SLC24A2: variants seen among roughly 807,000 people sequenced by gnomAD.
The protein encoded by SLC24A2 is sodium/potassium/calcium exchanger 2.
Under a neutral mutation model 62.0 loss-of-function variants are expected in SLC24A2, and 36 were observed. The ratio of observed to expected loss-of-function variants is 0.58; its 90% CI spans 0.44 to 0.77. SLC24A2 has a LOEUF of 0.77. SLC24A2 is among the 30% of genes least tolerant of loss of function. The pLI is 0.00. For missense variants in SLC24A2, 846 were observed against 817.9 expected (o/e 1.03, Z -0.42); for synonymous variants, 358 against 294.0 (o/e 1.22, Z -2.23).
At chr9:19,561,332 G>A in intron 7 of SLC24A2, among the ~76,000 whole-genome samples, 1 of 151,926 alleles carries the variant, frequency 6.6e-6, no homozygotes, top group Admixed American at 6.6e-5. Context: ...AAAGAGGTAA[G>A]TTTACGTGTT....
At chr9:19,727,828 T>A (rs1444363406) in intron 2 of SLC24A2, among the ~76,000 whole-genome samples, 1 of 152,220 alleles carries the variant, frequency 6.6e-6, no homozygotes, top group Non-Finnish European at 1.5e-5. Flanking sequence ...CATGGTTATT[T>A]ACTTTTGAAA....
At chr9:19,901,131 G>A in the SLC24A2 span, among the ~76,000 whole-genome samples, 3 of 152,188 alleles carry the variant, frequency 2.0e-5, no homozygotes, top group Non-Finnish European at 4.4e-5. Flanking sequence ...TCATGTGCCA[G>A]ATGTGAACTG....
At chr9:19,678,947 C>T (rs183985078) in intron 2 of SLC24A2, among the ~76,000 whole-genome samples, 8 of 152,314 alleles carry the variant, frequency 5.3e-5, no homozygotes, top group Admixed American at 2.6e-4. Context: ...TCACAAAAGA[C>T]ACGCAAGTGA....
At chr9:19,613,918 T>C (rs1267432601) in intron 4 of SLC24A2, among the ~76,000 whole-genome samples, 1 of 152,200 alleles carries the variant, frequency 6.6e-6, no homozygotes, top group Admixed American at 6.5e-5. Flanking sequence ...TCTTTACATG[T>C]CAGTGTCCTC....
At chr9:19,660,236 A>G (rs1819057650) in intron 2 of SLC24A2, among the ~76,000 whole-genome samples, 1 of 152,156 alleles carries the variant, frequency 6.6e-6, no homozygotes, top group Admixed American at 6.5e-5. Context: ...CATTTCTTTT[A>G]AGGATGACAC....
chr9:20,218,324 T>G, the SLC24A2 span, among the ~76,000 whole-genome samples: 1 of 152,178 alleles, frequency 6.6e-6, no homozygotes, highest in African/African-American at 2.4e-5. Context: ...ACCCTTGCTA[T>G]GTTACTGGTC....
chr9:20,146,084 G>C, the SLC24A2 span, among the ~76,000 whole-genome samples: 1 of 152,046 alleles, frequency 6.6e-6, no homozygotes. Flanking sequence ...ATTAAAAAAG[G>C]CTGCAATTAA....
chr9:20,008,385 G>T, the SLC24A2 span, among the ~76,000 whole-genome samples: 1 of 152,052 alleles, frequency 6.6e-6, no homozygotes, highest in Admixed American at 6.5e-5. Context: ...TGCCACTGGT[G>T]ACTTCTGTAC....
chr9:20,113,239 T>C, the SLC24A2 span, among the ~76,000 whole-genome samples: 1 of 152,136 alleles, frequency 6.6e-6, no homozygotes, highest in South Asian at 2.1e-4. Context: ...GGCATGGTGA[T>C]GAAGAACAGA....
intron 9 of SLC24A2, among the ~76,000 whole-genome samples, chr9:19,527,259 G>C (rs1230476789): frequency 6.6e-6 from 1 of 152,118 alleles, no homozygotes. Flanking sequence ...ATGATTTTTG[G>C]AGTTGCAGAG....
intron 5 of SLC24A2, among the ~76,000 whole-genome samples, chr9:19,591,153 C>T (rs956603238): frequency 4.6e-5 from 7 of 152,088 alleles, no homozygotes; most frequent in African/African-American, 7.2e-5. Flanking sequence ...TTAAATAACA[C>T]GCATATTTTA....
chr9:19,523,976 T>C (rs1311565615), intron 9 of SLC24A2, among the ~76,000 whole-genome samples: 1 of 152,026 alleles, frequency 6.6e-6, no homozygotes, highest in Non-Finnish European at 1.5e-5. Context: ...TTCATAAGCT[T>C]GTTTTGAGTA....
At chr9:20,218,174 C>T in the SLC24A2 span, among the ~76,000 whole-genome samples, 11 of 152,306 alleles carry the variant, frequency 7.2e-5, no homozygotes, top group African/African-American at 2.6e-4. Flanking sequence ...GCACTGCAGG[C>T]TACCATCATC....
At chr9:20,229,924 C>G in the SLC24A2 span, among the ~76,000 whole-genome samples, 2 of 149,714 alleles carry the variant, frequency 1.3e-5, no homozygotes, top group Non-Finnish European at 3.0e-5. Context: ...TGATGTTCCC[C>G]TTCCTGTGTC....
chr9:20,114,811 C>T, the SLC24A2 span, among the ~76,000 whole-genome samples: 1 of 152,128 alleles, frequency 6.6e-6, no homozygotes, highest in Non-Finnish European at 1.5e-5. Context: ...CTCTGGCCAG[C>T]CTCTCTGTAA....
the SLC24A2 span, among the ~76,000 whole-genome samples, chr9:19,962,715 T>G: frequency 6.6e-6 from 1 of 152,232 alleles, no homozygotes; most frequent in African/African-American, 2.4e-5. Flanking sequence ...ATTTTGAACC[T>G]GAGACTTTGC....
At chr9:19,973,383 T>C in the SLC24A2 span, among the ~76,000 whole-genome samples, 2 of 152,230 alleles carry the variant, frequency 1.3e-5, no homozygotes, top group African/African-American at 4.8e-5. Context: ...AAAAATTATT[T>C]AACAGACCCT....
chr9:20,089,790 A>T, the SLC24A2 span, among the ~76,000 whole-genome samples: 1 of 149,916 alleles, frequency 6.7e-6, no homozygotes, highest in African/African-American at 2.5e-5. Flanking sequence ...ACCAGAACTT[A>T]CAGCACACCA....
chr9:19,630,527 A>C (rs1398351982), intron 2 of SLC24A2, among the ~76,000 whole-genome samples: 1 of 152,156 alleles, frequency 6.6e-6, no homozygotes, highest in Non-Finnish European at 1.5e-5. Context: ...ATAACTTTTC[A>C]TATTTATAGT....
Sources: gnomAD v4.1 joint callset for allele counts (sites outside exome capture counted in the v4.1 genomes callset) on GRCh38, gnomAD v4.1.1 for gene constraint, MANE v1.5 for transcripts, NCBI Gene and HGNC (gene_info 2026-07-23, HGNC 2026-07-21) for gene names.